PALD1: variants seen among roughly 807,000 people sequenced by gnomAD.
PALD1 encodes phosphatase domain containing paladin 1, also known as paladin.
PALD1 carries 57 observed loss-of-function variants against 96.0 expected under a neutral mutation model. That is an observed-to-expected ratio of 0.59 (90% CI 0.48 to 0.74). The LOEUF (loss-of-function observed/expected upper bound fraction) is 0.74. Ranked by LOEUF, PALD1 falls within the 30% of genes least tolerant of loss-of-function variation. PALD1 has a pLI of 0.00. For synonymous variants in PALD1, 464 were observed against 473.6 expected, an observed-to-expected ratio of 0.98 and a Z score of 0.26; for missense variants, 1,063 against 1,143.7, an observed-to-expected ratio of 0.93 and a Z score of 1.02.
intron 17 of PALD1, 84 bp downstream of exon 17, chr10:70,541,618 A>G (rs1384438757): frequency 4.1e-6 from 4 of 975,576 alleles, no homozygotes; most frequent in South Asian, 2.7e-5. Flanking sequence ...GGGGTCCTCA[A>G]AGCACGTCCC....
chr10:70,527,517 T>C, intron 2 of PALD1, among the ~76,000 whole-genome samples: 1 of 152,218 alleles, frequency 6.6e-6, no homozygotes, highest in South Asian at 2.1e-4. Flanking sequence ...CTGTGGATGC[T>C]TAGGGCCTCA....
intron 5 of PALD1, among the ~76,000 whole-genome samples, chr10:70,532,271 C>T (rs921638089): frequency 6.6e-6 from 1 of 152,208 alleles, no homozygotes; most frequent in Admixed American, 6.5e-5. Context: ...GCCATGCCGG[C>T]GCCCAGCTCT....
At chr10:70,481,367 G>A (rs113250697) in intron 1 of PALD1, among the ~76,000 whole-genome samples, 12 of 152,218 alleles carry the variant, frequency 7.9e-5, no homozygotes, top group African/African-American at 1.4e-4. Flanking sequence ...TTGGGGTGGT[G>A]ATGGTACAGG....
chr10:70,498,685 G>A (rs1846237907), intron 1 of PALD1, among the ~76,000 whole-genome samples: 1 of 151,844 alleles, frequency 6.6e-6, no homozygotes, highest in Non-Finnish European at 1.5e-5. Flanking sequence ...CCAGCACTTT[G>A]GGAGGCTGAG....
chr10:70,463,179 C>T, the PALD1 span, among the ~76,000 whole-genome samples: 1 of 152,154 alleles, frequency 6.6e-6, no homozygotes, highest in Non-Finnish European at 1.5e-5. Flanking sequence ...CCAAGGCGGG[C>T]AGATCACAAG....
At chr10:70,508,811 G>GTGTC (rs1846449800) in intron 1 of PALD1, among the ~76,000 whole-genome samples, 1 of 107,860 alleles carries the variant, frequency 9.3e-6, no homozygotes, top group South Asian at 2.8e-4. Context: ...GTGTGTGTGT[G>GTGTC]TGTGTGTGCA....
intron 17 of PALD1, 68 bp downstream of exon 17, chr10:70,541,602 G>A (rs1329888165): frequency 2.3e-5 from 27 of 1,155,232 alleles, no homozygotes; most frequent in Non-Finnish European, 3.3e-5. Flanking sequence ...CCTGCTTGCC[G>A]GTCTAGGGGT....
the PALD1 span, among the ~76,000 whole-genome samples, chr10:70,465,584 G>A: frequency 6.6e-6 from 1 of 152,210 alleles, no homozygotes; most frequent in African/African-American, 2.4e-5. Flanking sequence ...TAGTTTTACA[G>A]GTGAGGGGCC....
At chr10:70,520,685 CTTTTTTT>C (rs10545684) in intron 1 of PALD1, among the ~76,000 whole-genome samples, 6 of 87,682 alleles carry the variant, frequency 6.8e-5, no homozygotes, top group Admixed American at 3.1e-4. Context: ...TTCTTTCTTT[CTTTTTTT>C]TTTTTTTTTT....
chr10:70,533,875 A>G (rs903061647), intron 7 of PALD1, 47 bp from the exon 8 acceptor site: 10 of 1,496,912 alleles, frequency 6.7e-6, no homozygotes, highest in African/African-American at 2.8e-5. Flanking sequence ...GCCTCAGCCC[A>G]GGGTTTCCTG....
intron 1 of PALD1, among the ~76,000 whole-genome samples, chr10:70,519,984 C>T (rs1175547294): frequency 6.6e-6 from 1 of 152,088 alleles, no homozygotes; most frequent in Non-Finnish European, 1.5e-5. Context: ...TTGGGGGATA[C>T]AGGGCAGGGG....
intron 1 of PALD1, among the ~76,000 whole-genome samples, chr10:70,511,707 A>G (rs756770893): frequency 2.3e-4 from 35 of 152,206 alleles, no homozygotes; most frequent in Non-Finnish European, 2.8e-4. Flanking sequence ...TGAAACAGAT[A>G]AAACTCACTC....
intron 5 of PALD1, 62 bp downstream of exon 5, chr10:70,531,516 T>C (rs1846990596): frequency 2.0e-6 from 3 of 1,496,104 alleles, no homozygotes; most frequent in Admixed American, 1.9e-5. Flanking sequence ...AGATGCTCTT[T>C]TTGGGGCCAG....
At chr10:70,466,827 A>G in the PALD1 span, among the ~76,000 whole-genome samples, 1 of 152,186 alleles carries the variant, frequency 6.6e-6, no homozygotes, top group Non-Finnish European at 1.5e-5. Context: ...CGGGGCAGGC[A>G]GGCTTAGCAA....
chr10:70,482,311 C>G (rs1029351367), intron 1 of PALD1, among the ~76,000 whole-genome samples: 4 of 152,204 alleles, frequency 2.6e-5, no homozygotes, highest in African/African-American at 9.6e-5. Flanking sequence ...TGCTGGGCCT[C>G]TGGGAGGGGA....
rs61747986 is a variant in PALD1, at chr10:70,541,135, G to C, written c.1942G>C (p.Ala648Pro). 8 of 1,612,204 alleles carry C rather than the reference G, an allele frequency of 5.0e-6. No individual in the cohort carries two copies. The highest frequency in any genetic ancestry group is 6.8e-6 in the Non-Finnish European group (8 of 1,179,284). ...CCAGCTGCTGGAGGCCCTGCGGGCC[G>C]CCCTCTCCAAGGACCCAGGCACTGG... The part of the protein sequence containing the change: ...FDQLLEALRA[A>P]LSKDPGTGFV... The change falls in exon 16 of 20, where the codon GCC becomes CCC. Residue 648 changes from alanine to proline, a missense_variant. Transcript: ENST00000263563.
intron 1 of PALD1, among the ~76,000 whole-genome samples, chr10:70,479,640 AC>A (rs1385603017): frequency 3.3e-5 from 5 of 152,112 alleles, no homozygotes; most frequent in Non-Finnish European, 7.4e-5. Flanking sequence ...CCTATGGGAG[AC>A]CCGGCTCCTG....
intron 1 of PALD1, among the ~76,000 whole-genome samples, chr10:70,503,887 T>C (rs10762386): frequency 0.53 from 79,910 of 152,178 alleles, 21,609 homozygotes; most frequent in East Asian, 0.66. Context: ...TGTGGCTTCC[T>C]TTGTATCACG....
At chr10:70,531,482 C>T in intron 5 of PALD1, 28 bp downstream of exon 5, 1 of 1,589,664 alleles carries the variant, frequency 6.3e-7, no homozygotes, top group Non-Finnish European at 8.6e-7. Context: ...GTGCGGGAGA[C>T]CCCAGCCCAC....
Sources: allele counts gnomAD v4.1 joint callset (sites outside exome capture counted in the v4.1 genomes callset), GRCh38; gene constraint gnomAD v4.1.1; transcripts MANE v1.5; gene names NCBI Gene and HGNC (gene_info 2026-07-23, HGNC 2026-07-21).